Variants in P2RX6 observed in about 807,000 individuals in gnomAD.
The protein encoded by P2RX6 is purinergic receptor P2X 6.
Under a neutral mutation model 54.2 loss-of-function variants are expected in P2RX6, and 62 were observed. That is an observed-to-expected ratio of 1.14 (90% CI 0.93 to 1.41). The LOEUF (loss-of-function observed/expected upper bound fraction) is 1.41, where lower values mean the gene tolerates loss of function less well. Among genes scored for constraint, P2RX6 ranks in the 40% most tolerant of loss-of-function variants. The pLI, the probability that P2RX6 is intolerant of heterozygous loss-of-function variation, is 0.00. For missense variants in P2RX6, 541 were observed against 566.3 expected, an observed-to-expected ratio of 0.96 and a Z score of 0.45; for synonymous variants, 211 against 231.9, an observed-to-expected ratio of 0.91 and a Z score of 0.82.
At chr22:21,012,512 A>G, upstream of P2RX6, 1 of 579,162 alleles carries the variant, frequency 1.7e-6, no homozygotes, top group Non-Finnish European at 3.3e-6. Flanking sequence ...CACCTGCCCC[A>G]GACCCAGCAC....
Position 21,023,378 on chromosome 22 carries a change from G to A in P2RX6, c.742G>A (p.Ala248Thr). 2 of 1,614,040 alleles carry A rather than the reference G, an allele frequency of 1.2e-6. No homozygotes were observed. Among genetic ancestry groups the A allele is most frequent in the Non-Finnish European group, 1.7e-6 (2 of 1,179,912 alleles). The change falls in exon 7 of 12, where the codon GCC becomes ACC. Residue 248 changes from alanine (A) to threonine (T), a missense_variant. By Grantham distance (58) the Ala-to-Thr change is moderately conservative. Coordinates refer to ENST00000413302, the MANE Select transcript of P2RX6 (RefSeq NM_005446.5). ...CPVFRIGDLV[A>T]KAGGTFEDLA... ...CGTGTTCCGCATTGGGGACCTCGTG[G>A]CCAAGGCTGGAGGGACCTTCGAGGA...
chr22:21,013,914 G>A (rs1298607593), upstream of P2RX6: 2 of 152,524 alleles, frequency 1.3e-5, no homozygotes, highest in East Asian at 1.9e-4. Context: ...GATGCCGCCA[G>A]GAGCGCCGAG....
At position 21,026,252 on chromosome 22, in the gene P2RX6, G is replaced by T. The variant is rs776119549; in HGVS notation, c.1051G>T (p.Val351Phe). 1.3e-6 allele frequency: 2 copies of T among 1,593,508 alleles called. No individual in the cohort carries two copies. The highest frequency in any genetic ancestry group is 1.7e-6 in the Non-Finnish European group (2 of 1,170,540). Residue 351 changes from valine (V) to phenylalanine (F), a missense_variant and splice_region_variant, in exon 11 of 12, where the codon GTC (valine) becomes TTC (phenylalanine). By Grantham distance (50) the Val-to-Phe change is conservative. Around this residue, in one of 2 missense-constraint regions of P2RX6, gnomAD observed 526 missense variants for 531.5 expected, o/e 0.99. Transcript: ENST00000413302. This position sits in a 1 kb window ranked among gnomAD's most constrained non-coding sequence, Gnocchi z 4.0. The part of the protein sequence containing the change: ...LGTGAAWLGV[V>F]TFFCDLLLLY... ...CATGGGTTGGCCCTGCCTCTCCCAG[G>T]TCACCTTTTTCTGTGACCTGCTACT...
intron 1 of P2RX6, among the ~76,000 whole-genome samples, chr22:21,015,640 C>T (rs1413213327): frequency 2.0e-5 from 3 of 151,922 alleles, no homozygotes; most frequent in Admixed American, 1.3e-4. Context: ...CCAGAGAGAC[C>T]ACCAGCTGTA....
At chr22:21,010,913 G>A (rs889335992), upstream of P2RX6, among the ~76,000 whole-genome samples, 7 of 151,630 alleles carry the variant, frequency 4.6e-5, no homozygotes, top group African/African-American at 1.7e-4. Flanking sequence ...CTGTTCCTCT[G>A]CTTGAAATGC....
At position 21,025,903 on chromosome 22, in the gene P2RX6, G is replaced by T. The variant is rs748466562; in HGVS notation, c.984+5G>T. 1.4e-5 allele frequency: 22 copies of T among 1,579,346 alleles called. No homozygotes were observed. Among genetic ancestry groups the T allele is most frequent in the Non-Finnish European group, 1.7e-5 (20 of 1,163,044 alleles). The stretch of plus-strand genomic sequence containing the variant: ...GACATCCTCGTCACCGGGCAGGTAG[G>T]CACAGGTAGGGGTCAGGCCGGGGAT... On this transcript the variant is annotated splice_donor_5th_base_variant and intron_variant, in intron 9 of 11. Coordinates refer to ENST00000413302, the MANE Select transcript of P2RX6 (RefSeq NM_005446.5).
At chr22:21,018,884 G>A (rs1299735562) in intron 3 of P2RX6, 3 of 151,812 alleles carry the variant, frequency 2.0e-5, no homozygotes, top group Non-Finnish European at 4.4e-5. Flanking sequence ...GCCTCCCAAA[G>A]TGCTGGGATT....
rs190874807 is a variant in P2RX6 at position 21,019,908 on chromosome 22, C to T, written c.387+1848C>T. 9.4e-4 allele frequency among the ~76,000 whole-genome samples: 143 copies of T among 152,348 alleles called. 5 individuals are homozygous for T. In the East Asian group the frequency reaches 0.023, roughly 24 times the overall value. On this transcript the variant is annotated intron_variant, in intron 3 of 11. Transcript: ENST00000413302. ...CATGCTATTGTTTGTGGTTTAAGAA[C>T]GCCTTTAAGCGGTTTTCCGCCCTGG...
At chr22:21,012,674 C>G (rs566478375), upstream of P2RX6, 3 of 465,298 alleles carry the variant, frequency 6.4e-6, no homozygotes, top group African/African-American at 6.1e-5. Flanking sequence ...ACAGACAGAG[C>G]AAACACACTG....
At chr22:21,018,978 C>G (rs375222397) in intron 3 of P2RX6, among the ~76,000 whole-genome samples, 1 of 152,108 alleles carries the variant, frequency 6.6e-6, no homozygotes, top group East Asian at 1.9e-4. Context: ...CCACCTTGTT[C>G]TTCTTCATTT....
At position 21,018,299 on chromosome 22, in the gene P2RX6, G is replaced by A. The variant is rs1412259330; in HGVS notation, c.387+239G>A. On this transcript the variant is annotated intron_variant, in intron 3 of 11. Transcript: ENST00000413302. ...GAGAAGACTGAGGCTCAGTGAGGTT[G>A]AGTCACTTTCTTAAGGCCTCCAGGC... is the stretch of plus-strand genomic sequence containing the variant. 1.4e-5 allele frequency: 7 copies of A among 508,034 alleles called. No homozygotes were observed. The Admixed American group carries it at 2.2e-4, about 16-fold the overall frequency. 31.5% of individuals were successfully genotyped at this position (508,034 alleles called of 1,614,324 possible). A position where few individuals can be genotyped will look rare whatever the true frequency, so the allele number is the denominator to read the frequency against.
intron 3 of P2RX6, among the ~76,000 whole-genome samples, chr22:21,019,207 G>T (rs771336867): frequency 6.6e-6 from 1 of 152,174 alleles, no homozygotes; most frequent in East Asian, 1.9e-4. Flanking sequence ...CTGGAGGGTC[G>T]TTGTGCAGAC....
At chr22:21,018,441 CT>C (rs1926806965) in intron 3 of P2RX6, 7 of 320,806 alleles carry the variant, frequency 2.2e-5, no homozygotes, top group South Asian at 1.7e-4. Context: ...ACACCCAGAG[CT>C]GCGCACATGC....
intron 1 of P2RX6, 27 bp from the exon 2 acceptor site, chr22:21,015,915 C>G: frequency 6.5e-7 from 1 of 1,547,860 alleles, no homozygotes; most frequent in Non-Finnish European, 8.7e-7. Flanking sequence ...TGGGGACACA[C>G]CACACTGCCC....
Position 21,026,103 on chromosome 22 carries a change from C to T in P2RX6, c.1050+27C>T. The T allele has an allele frequency of 6.3e-7, 1 of 1,598,228 alleles. No individual in the cohort carries two copies. Among genetic ancestry groups the T allele is most frequent in the Non-Finnish European group, 8.5e-7 (1 of 1,172,390 alleles). On this transcript the variant is annotated intron_variant, in intron 10 of 11. Transcript: ENST00000413302. This position sits in a 1 kb window ranked among gnomAD's most constrained non-coding sequence, Gnocchi z 4.0. Reference sequence around the variant, plus strand: ...TGAGTGCGAGCACTGTGGGCACCTGCAGGCTGCAGTGAGTGCTGCTGACCA... The same window carrying T: ...TGAGTGCGAGCACTGTGGGCACCTGTAGGCTGCAGTGAGTGCTGCTGACCA...
In P2RX6 at chr22:21,020,313, C is replaced by T. The variant is rs531821887; in HGVS notation, c.387+2253C>T. 3.9e-5 allele frequency among the ~76,000 whole-genome samples: 6 copies of T among 152,294 alleles called. No homozygotes were observed. The East Asian group carries it at 5.8e-4, about 15-fold the overall frequency. Reference sequence around the variant, plus strand: ...ATCAGATCTGACAACCTGGCTTTCCCGGAAGACCAGAGTTCTGCCAGCTCC... The same window carrying T: ...ATCAGATCTGACAACCTGGCTTTCCTGGAAGACCAGAGTTCTGCCAGCTCC... On this transcript the variant is annotated intron_variant, in intron 3 of 11. Transcript: ENST00000413302.
chr22:21,013,798 C>G (rs1925917558), upstream of P2RX6: 1 of 152,266 alleles, frequency 6.6e-6, no homozygotes, highest in Admixed American at 6.5e-5. Context: ...ATTGGGAAAA[C>G]CCAGCTCTGA....
chr22:21,015,082 G>C, upstream of P2RX6: 4 of 716,698 alleles, frequency 5.6e-6, no homozygotes, highest in Non-Finnish European at 8.8e-6. Flanking sequence ...TCCTGCTTTA[G>C]TGGAAGTGTC....
At chr22:21,023,240 C>G in intron 6 of P2RX6, 35 bp from the exon 7 acceptor site, 1 of 1,613,964 alleles carries the variant, frequency 6.2e-7, no homozygotes, top group Non-Finnish European at 8.5e-7. Context: ...CCCTCCTTGT[C>G]CCCTACCTCA....
Sources: allele counts gnomAD v4.1 joint callset (sites outside exome capture counted in the v4.1 genomes callset), GRCh38; gene constraint gnomAD v4.1.1; regional missense constraint gnomAD v4.1.1; non-coding constraint Gnocchi (gnomAD v3.1); transcripts MANE v1.5; gene names NCBI Gene and HGNC (gene_info 2026-07-23, HGNC 2026-07-21).